The following KIAA1549L variants were observed in gnomAD, a reference collection of about 807,000 sequenced individuals.
The protein encoded by KIAA1549L is UPF0606 protein KIAA1549L.
Under a neutral mutation model 160.7 loss-of-function variants are expected in KIAA1549L, and 88 were observed. The ratio of observed to expected loss-of-function variants is 0.55; its 90% CI spans 0.46 to 0.65. KIAA1549L has a LOEUF of 0.65. Ranked by LOEUF, KIAA1549L falls within the 30% of genes least tolerant of loss-of-function variation. The pLI, the probability that KIAA1549L is intolerant of heterozygous loss-of-function variation, is 0.00. For synonymous variants in KIAA1549L, 950 were observed against 976.7 expected, an observed-to-expected ratio of 0.97 and a Z score of 0.51; for missense variants, 2,258 against 2,437.5, an observed-to-expected ratio of 0.93 and a Z score of 1.55.
intron 16 of KIAA1549L, among the ~76,000 whole-genome samples, chr11:33,645,320 C>A (rs2133404055): frequency 6.6e-6 from 1 of 151,968 alleles, no homozygotes; most frequent in South Asian, 2.1e-4. Flanking sequence ...GATTACAAGA[C>A]ATTCCAGGGT....
At chr11:33,509,440 C>T (rs1403578183) in intron 1 of KIAA1549L, among the ~76,000 whole-genome samples, 1 of 152,136 alleles carries the variant, frequency 6.6e-6, no homozygotes, top group Non-Finnish European at 1.5e-5. Context: ...TCAAGAGGTA[C>T]AAAGTCAAGC....
At chr11:33,550,889 T>G in intron 4 of KIAA1549L, 151 bp from the exon 5 acceptor site, 1 of 684,854 alleles carries the variant, frequency 1.5e-6, no homozygotes, top group Non-Finnish European at 2.6e-6. Flanking sequence ...ATCCAAACTA[T>G]GCTTTATAGA....
intron 1 of KIAA1549L, among the ~76,000 whole-genome samples, chr11:33,511,537 T>A (rs1262543742): frequency 6.6e-6 from 1 of 152,242 alleles, no homozygotes; most frequent in Non-Finnish European, 1.5e-5. Flanking sequence ...GATGCAATGT[T>A]ACCAAATACC....
At chr11:33,461,069 T>TG (rs1207287106) in intron 1 of KIAA1549L, among the ~76,000 whole-genome samples, 2 of 152,060 alleles carry the variant, frequency 1.3e-5, no homozygotes, top group African/African-American at 2.4e-5. Context: ...AAAATTGAAT[T>TG]GGGGGGTTGG....
At chr11:33,434,783 T>G (rs1203184071) in intron 1 of KIAA1549L, among the ~76,000 whole-genome samples, 1 of 152,204 alleles carries the variant, frequency 6.6e-6, no homozygotes, top group Non-Finnish European at 1.5e-5. Context: ...ATCCTTCACC[T>G]TAGAAGGAAG....
At chr11:33,487,735 T>C (rs1253010663) in intron 1 of KIAA1549L, among the ~76,000 whole-genome samples, 2 of 152,202 alleles carry the variant, frequency 1.3e-5, no homozygotes, top group African/African-American at 4.8e-5. Context: ...AGTTTTCTTA[T>C]GTGATATTAA....
chr11:33,466,195 T>C (rs1434260118), intron 1 of KIAA1549L, among the ~76,000 whole-genome samples: 1 of 152,018 alleles, frequency 6.6e-6, no homozygotes, highest in Admixed American at 6.6e-5. Flanking sequence ...ACCTACAGAA[T>C]GGGAGAAAAT....
At chr11:33,485,326 C>T (rs1256288133) in intron 1 of KIAA1549L, among the ~76,000 whole-genome samples, 1 of 152,080 alleles carries the variant, frequency 6.6e-6, no homozygotes, top group African/African-American at 2.4e-5. Context: ...TGCCTAGCTA[C>T]AAAATGCATG....
chr11:33,414,420 A>G (rs1850848209), intron 1 of KIAA1549L, among the ~76,000 whole-genome samples: 1 of 152,226 alleles, frequency 6.6e-6, no homozygotes, highest in Admixed American at 6.5e-5. Flanking sequence ...TGATGGATTT[A>G]TAGGTGACTT....
chr11:33,590,175 C>T (rs1850006793), intron 11 of KIAA1549L, among the ~76,000 whole-genome samples: 1 of 152,218 alleles, frequency 6.6e-6, no homozygotes, highest in African/African-American at 2.4e-5. Context: ...GTTGCTCTCA[C>T]AAACATATAA....
intron 1 of KIAA1549L, among the ~76,000 whole-genome samples, chr11:33,391,670 G>T (rs754197699): frequency 1.3e-5 from 2 of 152,178 alleles, no homozygotes; most frequent in Non-Finnish European, 2.9e-5. Context: ...CTCCTGATGT[G>T]ATGATGTTGC....
At chr11:33,447,388 A>T (rs946303121) in intron 1 of KIAA1549L, among the ~76,000 whole-genome samples, 9 of 152,150 alleles carry the variant, frequency 5.9e-5, no homozygotes, top group African/African-American at 2.2e-4. Context: ...CTCATAAATG[A>T]ATGAAAACTA....
At chr11:33,428,888 A>T (rs975621056) in intron 1 of KIAA1549L, among the ~76,000 whole-genome samples, 29 of 152,178 alleles carry the variant, frequency 1.9e-4, no homozygotes, top group African/African-American at 6.8e-4. Flanking sequence ...TGTCTTTCAC[A>T]ATGGTTGAAC....
intron 1 of KIAA1549L, among the ~76,000 whole-genome samples, chr11:33,472,197 T>G (rs954461089): frequency 6.6e-6 from 1 of 151,460 alleles, no homozygotes; most frequent in Non-Finnish European, 1.5e-5. Context: ...TACAGTGCAG[T>G]GAACTCCTGG....
chr11:33,377,951 T>TCCAA (rs908083977), intron 1 of KIAA1549L, among the ~76,000 whole-genome samples: 2 of 152,224 alleles, frequency 1.3e-5, no homozygotes, highest in Admixed American at 6.5e-5. Flanking sequence ...GTGGTGCTTG[T>TCCAA]GCTTGCGAGT....
intron 1 of KIAA1549L, among the ~76,000 whole-genome samples, chr11:33,517,686 C>G: frequency 6.6e-6 from 1 of 152,078 alleles, no homozygotes; most frequent in East Asian, 1.9e-4. Context: ...GAATCAACCA[C>G]CCATTTTTAG....
chr11:33,434,252 C>G (rs1190251864), intron 1 of KIAA1549L, among the ~76,000 whole-genome samples: 2 of 152,080 alleles, frequency 1.3e-5, no homozygotes, highest in East Asian at 3.9e-4. Flanking sequence ...GTGAATAAGT[C>G]TCATGAGATC....
At chr11:33,378,730 C>G (rs1229815772) in intron 1 of KIAA1549L, among the ~76,000 whole-genome samples, 1 of 152,146 alleles carries the variant, frequency 6.6e-6, no homozygotes, top group Non-Finnish European at 1.5e-5. Context: ...CACAGTCCAC[C>G]TCTGAGCTCC....
intron 8 of KIAA1549L, among the ~76,000 whole-genome samples, chr11:33,563,380 G>A (rs562587307): frequency 1.1e-3 from 173 of 151,432 alleles, no homozygotes; most frequent in African/African-American, 4.0e-3. Flanking sequence ...AATTGGAAGT[G>A]GGGGGACACA....
Sources: allele counts gnomAD v4.1 joint callset (sites outside exome capture counted in the v4.1 genomes callset), GRCh38; gene constraint gnomAD v4.1.1; transcripts MANE v1.5; gene names NCBI Gene and HGNC (gene_info 2026-07-23, HGNC 2026-07-21).